DMD: variants seen among roughly 807,000 people sequenced by gnomAD.
DMD encodes mutant dystrophin.
DMD carries 63 observed loss-of-function variants against 330.1 expected under a neutral mutation model. That is an observed-to-expected ratio of 0.19 (90% CI 0.16 to 0.24). The LOEUF (loss-of-function observed/expected upper bound fraction) is 0.24. DMD is among the 10% of genes least tolerant of loss of function. The pLI is 1.00. For synonymous variants in DMD, 1,223 were observed against 959.8 expected (o/e 1.27, Z -5.07); for missense variants, 3,344 against 2,684.1 (o/e 1.25, Z -5.43).
chrX:32,097,262 C>T (rs1387837909), intron 44 of DMD, among the ~76,000 whole-genome samples: 3 of 110,479 alleles, frequency 2.7e-5, no homozygotes, highest in Middle Eastern at 4.7e-3. Context: ...CCCCCCACCT[C>T]GCGACAGGCC....
intron 13 of DMD, among the ~76,000 whole-genome samples, chrX:32,585,716 AAAAAAAAAAAAAAAG>A (rs1324687952): frequency 9.7e-6 from 1 of 103,174 alleles, no homozygotes; most frequent in Non-Finnish European, 2.0e-5. Context: ...AAAAAAAAAA[AAAAAAAAAAAAAAAG>A]AATATTATTG....
At chrX:31,358,968 T>C (rs1312496896) in intron 60 of DMD, among the ~76,000 whole-genome samples, 1 of 112,098 alleles carries the variant, frequency 8.9e-6, no homozygotes, top group Non-Finnish European at 1.9e-5. Context: ...CCTAGGAAGA[T>C]AAATGATTGT....
At chrX:33,037,478 A>C (rs1287107356) in intron 1 of DMD, among the ~76,000 whole-genome samples, 1 of 111,688 alleles carries the variant, frequency 9.0e-6, no homozygotes, top group Non-Finnish European at 1.9e-5. Flanking sequence ...GGGCCATTTA[A>C]ACCCAAATTG....
chrX:32,108,037 AC>A (rs1427397463), intron 44 of DMD, among the ~76,000 whole-genome samples: 1 of 111,138 alleles, frequency 9.0e-6, no homozygotes, highest in Non-Finnish European at 1.9e-5. Flanking sequence ...GACATTCTCT[AC>A]CCCCTGTCCC....
chrX:32,034,162 A>C (rs957797389), intron 44 of DMD, among the ~76,000 whole-genome samples: 1 of 111,807 alleles, frequency 8.9e-6, no homozygotes, highest in African/African-American at 3.2e-5. Flanking sequence ...CCTGGCATAC[A>C]TTTCTAATGT....
intron 62 of DMD, among the ~76,000 whole-genome samples, chrX:31,285,067 C>T (rs974715939): frequency 2.7e-5 from 3 of 111,167 alleles, no homozygotes; most frequent in Non-Finnish European, 5.7e-5. Context: ...TATTCTGAAA[C>T]ATTTAAAGAG....
chrX:32,377,712 A>C lies in DMD; in HGVS notation c.4845+2798T>G, dbSNP rs755614223. Among the ~76,000 whole-genome samples, 5 of 111,884 alleles carry C rather than the reference A, an allele frequency of 4.5e-5. No homozygotes were observed. The East Asian group carries it at 1.4e-3, about 31-fold the overall frequency. The stretch of plus-strand genomic sequence containing the variant: ...AAATCTCTGATGTCTAATTCTACTT[A>C]AAAGCTCAGTTGCAGGAAAGCATAT... On this transcript the variant is annotated intron_variant, in intron 34 of 78. Transcript: ENST00000357033.
chrX:31,284,561 T>G (rs909717657), intron 62 of DMD, among the ~76,000 whole-genome samples: 23 of 45,858 alleles, frequency 5.0e-4, no homozygotes, highest in Admixed American at 4.9e-3. Flanking sequence ...GAACTGTTTC[T>G]TCTTCTTCTT....
At chrX:32,839,806 G>A (rs1478580610) in intron 4 of DMD, among the ~76,000 whole-genome samples, 2 of 110,526 alleles carry the variant, frequency 1.8e-5, no homozygotes, top group Non-Finnish European at 3.8e-5. Flanking sequence ...CTGCTCCCAG[G>A]TTCACGTGAT....
chrX:32,293,719 G>A (rs142512676), intron 42 of DMD, among the ~76,000 whole-genome samples: 1 of 111,704 alleles, frequency 9.0e-6, no homozygotes, highest in Non-Finnish European at 1.9e-5. Context: ...AACAGAAACT[G>A]TTGGATACTA....
chrX:33,014,883 A>C (rs182080835), intron 2 of DMD, among the ~76,000 whole-genome samples: 5 of 112,146 alleles, frequency 4.5e-5, no homozygotes, highest in Non-Finnish European at 9.4e-5. Context: ...GTAGGCAAGA[A>C]CATATAAGAA....
intron 1 of DMD, among the ~76,000 whole-genome samples, chrX:33,147,114 C>T (rs979098653): frequency 9.0e-6 from 1 of 111,468 alleles, no homozygotes; most frequent in African/African-American, 3.3e-5. Flanking sequence ...GAACCACCGC[C>T]GCTGGCCAAT....
intron 7 of DMD, among the ~76,000 whole-genome samples, chrX:32,743,777 T>C (rs888139718): frequency 1.8e-5 from 2 of 111,499 alleles, no homozygotes; most frequent in Admixed American, 1.9e-4. Flanking sequence ...CAGGTCTGTC[T>C]GTCATAAACT....
intron 7 of DMD, among the ~76,000 whole-genome samples, chrX:32,791,019 G>A (rs1429110248): frequency 9.0e-6 from 1 of 110,814 alleles, no homozygotes; most frequent in East Asian, 2.9e-4. Flanking sequence ...ATAGAGACCT[G>A]GGGCTCTCCC....
At chrX:33,135,429 G>A (rs2095521099) in intron 1 of DMD, among the ~76,000 whole-genome samples, 1 of 112,012 alleles carries the variant, frequency 8.9e-6, no homozygotes, top group Admixed American at 9.5e-5. Context: ...CATTTCTATT[G>A]TGAAAAATTA....
At chrX:32,810,116 C>T (rs1395252496) in intron 6 of DMD, among the ~76,000 whole-genome samples, 1 of 109,446 alleles carries the variant, frequency 9.1e-6, no homozygotes, top group African/African-American at 3.3e-5. Context: ...GAGTGAGACC[C>T]TGTATCAAAA....
intron 37 of DMD, among the ~76,000 whole-genome samples, chrX:32,357,925 CCT>C (rs1257232574): frequency 9.1e-6 from 1 of 109,666 alleles, no homozygotes; most frequent in Non-Finnish European, 1.9e-5. Context: ...ATTGTTACCT[CCT>C]CTGTGTTGCT....
At chrX:31,897,797 G>A (rs2149796939) in intron 47 of DMD, among the ~76,000 whole-genome samples, 1 of 107,360 alleles carries the variant, frequency 9.3e-6, no homozygotes, top group South Asian at 4.2e-4. Context: ...AAATTTGTTG[G>A]AGTTCATTGT....
At chrX:31,499,847 T>C (rs1044312348) in intron 56 of DMD, among the ~76,000 whole-genome samples, 51 of 111,726 alleles carry the variant, frequency 4.6e-4, no homozygotes, top group African/African-American at 1.6e-3. Flanking sequence ...AATAGGGAAG[T>C]TGTTAGAAGC....
Sources: allele counts gnomAD v4.1 joint callset (sites outside exome capture counted in the v4.1 genomes callset), GRCh38; gene constraint gnomAD v4.1.1; transcripts MANE v1.5; gene names NCBI Gene and HGNC (gene_info 2026-07-23, HGNC 2026-07-21).